NEBL: variants seen among roughly 807,000 people sequenced by gnomAD.
The protein encoded by NEBL is LIM and SH3 protein 2.
In NEBL, 122 loss-of-function variants were observed where a neutral mutation model predicts 140.2. The observed-to-expected ratio is 0.87, with a 90% CI of 0.75 to 1.01. The LOEUF is 1.01. Among genes scored for constraint, NEBL ranks in the 50% least tolerant of loss-of-function variants. The pLI is 0.00. For missense variants in NEBL, 1,365 were observed against 1,231.3 expected (o/e 1.11, Z -1.62); for synonymous variants, 436 against 398.9 (o/e 1.09, Z -1.11).
chr10:21,103,752 C>T (rs1277380986), intron 2 of NEBL, among the ~76,000 whole-genome samples: 1 of 151,920 alleles, frequency 6.6e-6, no homozygotes, highest in African/African-American at 2.4e-5. Context: ...TCATGACATG[C>T]GATTATTAGT....
rs769424492 is a variant in NEBL at position 20,858,235 on chromosome 10, C to T, written c.903+5G>A. 9 of 1,591,624 alleles carry T rather than the reference C, an allele frequency of 5.7e-6. No individual in the cohort carries two copies. The highest frequency in any genetic ancestry group is 5.0e-5 in the Admixed American group (3 of 59,958). ...ACTACGGTTGCCGCTAGATGAACCA[C>T]TTACGCCGCTGAGCATTTTGCTGGC... On this transcript the variant is annotated splice_donor_5th_base_variant and intron_variant, in intron 9 of 27. Coordinates refer to ENST00000377122, the MANE Select transcript of NEBL (RefSeq NM_006393.3).
chr10:21,061,786 TAAATA>T (rs1321889054), intron 2 of NEBL, among the ~76,000 whole-genome samples: 2 of 152,290 alleles, frequency 1.3e-5, no homozygotes, highest in African/African-American at 4.8e-5. Context: ...CTGAGCCACC[TAAATA>T]ATATGACTGC....
chr10:21,249,204 T>C (rs926817610), intron 2 of NEBL, among the ~76,000 whole-genome samples: 2 of 152,060 alleles, frequency 1.3e-5, no homozygotes, highest in Non-Finnish European at 2.9e-5. Flanking sequence ...CATTTTTTAA[T>C]TGGGTTGTTT....
intron 2 of NEBL, among the ~76,000 whole-genome samples, chr10:21,101,894 G>T (rs748993975): frequency 6.6e-6 from 1 of 152,162 alleles, no homozygotes; most frequent in Non-Finnish European, 1.5e-5. Context: ...GAAACATCAC[G>T]CTTTGACTAG....
chr10:21,181,771 G>A (rs1307009462), intron 3 of NEBL, among the ~76,000 whole-genome samples: 1 of 152,176 alleles, frequency 6.6e-6, no homozygotes. Context: ...GTGACCACAC[G>A]TGGGCCCTCC....
intron 3 of NEBL, among the ~76,000 whole-genome samples, chr10:20,984,494 C>G (rs561228939): frequency 5.3e-5 from 8 of 152,264 alleles, no homozygotes; most frequent in South Asian, 2.1e-4. Context: ...GGACCTTTGT[C>G]TCATCAGGTT....
intron 3 of NEBL, among the ~76,000 whole-genome samples, chr10:21,212,274 G>GTA (rs908812231): frequency 3.9e-5 from 6 of 152,090 alleles, no homozygotes; most frequent in Non-Finnish European, 7.4e-5. Flanking sequence ...ACTTGTAAAT[G>GTA]TATATATATC....
At chr10:21,230,693 C>T (rs1189887469) in intron 3 of NEBL, among the ~76,000 whole-genome samples, 1 of 151,814 alleles carries the variant, frequency 6.6e-6, no homozygotes, top group African/African-American at 2.4e-5. Context: ...CAACCTCCGC[C>T]CCCTGGGTTC....
upstream of NEBL, chr10:20,899,552 G>A (rs1248856861): frequency 3.7e-6 from 2 of 545,408 alleles, no homozygotes; most frequent in Non-Finnish European, 5.6e-6. Flanking sequence ...TGAGATTCTA[G>A]AATCAGAATT....
chr10:21,223,551 T>C (rs1399425852), intron 3 of NEBL, among the ~76,000 whole-genome samples: 1 of 152,246 alleles, frequency 6.6e-6, no homozygotes, highest in Non-Finnish European at 1.5e-5. Flanking sequence ...TTCCTTTCTT[T>C]TGTGTATACA....
intron 4 of NEBL, among the ~76,000 whole-genome samples, chr10:20,914,110 G>C (rs1323207557): frequency 6.6e-6 from 1 of 152,158 alleles, no homozygotes; most frequent in Admixed American, 6.5e-5. Context: ...AGCAGACACT[G>C]CACTTGAGGA....
intron 2 of NEBL, among the ~76,000 whole-genome samples, chr10:21,038,198 C>T (rs672500): frequency 0.6 from 91,840 of 151,986 alleles, 27,845 homozygotes; most frequent in East Asian, 0.73. Context: ...GCACTCCCTC[C>T]ATATATTTTT....
chr10:21,006,252 A>G (rs555796243), intron 3 of NEBL, among the ~76,000 whole-genome samples: 6 of 152,172 alleles, frequency 3.9e-5, no homozygotes, highest in Admixed American at 1.3e-4. Context: ...ACATCCTTGT[A>G]CTTACGCTTT....
intron 2 of NEBL, among the ~76,000 whole-genome samples, chr10:21,052,365 C>T (rs374661485): frequency 8.5e-5 from 13 of 152,326 alleles, no homozygotes; most frequent in African/African-American, 2.9e-4. Flanking sequence ...AGCTTTCCAC[C>T]TCAATTCTCC....
chr10:21,014,433 A>G (rs1346101877), intron 3 of NEBL, among the ~76,000 whole-genome samples: 4 of 152,220 alleles, frequency 2.6e-5, no homozygotes, highest in Non-Finnish European at 5.9e-5. Context: ...ATTTAGGTCA[A>G]GTTTAAGATT....
chr10:21,150,388 G>C (rs989374576), intron 2 of NEBL, among the ~76,000 whole-genome samples: 26 of 152,222 alleles, frequency 1.7e-4, no homozygotes, highest in African/African-American at 5.8e-4. Flanking sequence ...AAATAACTTT[G>C]CCTTCCTGCT....
At chr10:21,125,229 C>A (rs1265811815) in intron 2 of NEBL, among the ~76,000 whole-genome samples, 1 of 146,544 alleles carries the variant, frequency 6.8e-6, no homozygotes, top group African/African-American at 2.6e-5. Flanking sequence ...CATGCATATA[C>A]ACACACACAC....
At chr10:20,919,573 C>T (rs1187041776) in intron 4 of NEBL, among the ~76,000 whole-genome samples, 1 of 152,036 alleles carries the variant, frequency 6.6e-6, no homozygotes, top group Non-Finnish European at 1.5e-5. Flanking sequence ...ACAGGACAAA[C>T]GTCATCCAAG....
rs1247014019 is a variant in NEBL, at chr10:20,798,173, A to T, written c.2761+10337T>A. Among the ~76,000 whole-genome samples the T allele has an allele frequency of 9.9e-5, 15 of 152,252 alleles. 1 individual carries two copies. Among genetic ancestry groups the T allele is most frequent in the Admixed American group, 9.8e-4 (15 of 15,282 alleles). ...ATACTAGGGGGAAAGATCAGGCAGT[A>T]ATAAGTAGCAAATCTCGCCACAAGG... On this transcript the variant is annotated intron_variant, in intron 26 of 27. Coordinates refer to ENST00000377122, the MANE Select transcript of NEBL (RefSeq NM_006393.3).
Sources: allele counts gnomAD v4.1 joint callset (sites outside exome capture counted in the v4.1 genomes callset), GRCh38; gene constraint gnomAD v4.1.1; transcripts MANE v1.5; gene names NCBI Gene and HGNC (gene_info 2026-07-23, HGNC 2026-07-21).